Variants in ITGB7 observed in about 807,000 individuals in gnomAD.
ITGB7 encodes the protein integrin subunit beta 7.
A neutral mutation model predicts 83.4 loss-of-function variants in ITGB7; 55 were observed. That is an observed-to-expected ratio of 0.66 (90% CI 0.53 to 0.83). ITGB7 has a LOEUF of 0.83. Ranked by LOEUF, ITGB7 falls within the 40% of genes least tolerant of loss-of-function variation. The pLI, the probability that ITGB7 is intolerant of heterozygous loss-of-function variation, is 0.00. For synonymous variants in ITGB7, 454 were observed against 423.6 expected, an observed-to-expected ratio of 1.07 and a Z score of -0.88; for missense variants, 921 against 1,046.7, an observed-to-expected ratio of 0.88 and a Z score of 1.66.
At chr12:53,193,399 A>T (rs1244227051) in intron 11 of ITGB7, 36 bp from the exon 12 acceptor site, 1 of 1,452,548 alleles carries the variant, frequency 6.9e-7, no homozygotes, top group African/African-American at 1.4e-5. Context: ...AGTAGGTCAG[A>T]GGGTTTGATC....
At chr12:53,194,608 G>A in intron 9 of ITGB7, 1 of 409,068 alleles carries the variant, frequency 2.4e-6, no homozygotes, top group African/African-American at 2.0e-5. Context: ...CTGGCCAGGT[G>A]CTGTAAATGT....
At chr12:53,199,130 T>C (rs1421193336) in intron 3 of ITGB7, among the ~76,000 whole-genome samples, 2 of 152,168 alleles carry the variant, frequency 1.3e-5, no homozygotes, top group African/African-American at 4.8e-5. Context: ...TCTGCTTCCA[T>C]GTGAATTTGC....
Position 53,192,345 on chromosome 12 carries a change from C to A in ITGB7, c.2140G>T (p.Val714Leu). The change falls in exon 14 of 16, where the codon GTG (valine) becomes TTG (leucine). Residue 714 changes from valine to leucine, a missense_variant. Val to Leu is a conservative substitution (Grantham distance 32). Coordinates refer to ENST00000267082, the MANE Select transcript of ITGB7 (RefSeq NM_000889.3). ...GCCCACTTACTTTCTTGGGGTCTCA[C>A]TCTGAGCACGACCGTGCCTCTGGCG... is the stretch of plus-strand genomic sequence containing the variant. ...DDARGTVVLR[V>L]RPQEKGADHT... is the part of the protein sequence containing the mutation. The A allele has an allele frequency of 6.2e-7, 1 of 1,614,120 alleles. No individual in the cohort carries two copies. Among genetic ancestry groups the A allele is most frequent in the Non-Finnish European group, 8.5e-7 (1 of 1,180,038 alleles).
intron 1 of ITGB7, among the ~76,000 whole-genome samples, chr12:53,202,745 A>G (rs1942348925): frequency 1.3e-5 from 2 of 151,958 alleles, no homozygotes; most frequent in Admixed American, 6.5e-5. Context: ...GGCAGATCAC[A>G]AGGTCAGGAG....
intron 1 of ITGB7, among the ~76,000 whole-genome samples, chr12:53,205,061 G>A (rs550638869): frequency 3.3e-4 from 50 of 152,050 alleles, no homozygotes; most frequent in Non-Finnish European, 6.9e-4. Context: ...CTGACTTCAA[G>A]TGATCCACCC....
In ITGB7 at chr12:53,197,740, C is replaced by T. The variant is rs1942214360; in HGVS notation, c.403+10G>A. 6.3e-7 allele frequency: 1 copy of T among 1,584,240 alleles called. No individual in the cohort carries two copies. Reference sequence around the variant, plus strand: ...AGACCTCTGGCCTGGCCCCGCCTCCCCTAACTCACCAGGCCGCAGCGTGAC... The same window carrying T: ...AGACCTCTGGCCTGGCCCCGCCTCCTCTAACTCACCAGGCCGCAGCGTGAC... On this transcript the variant is annotated intron_variant, in intron 4 of 15. Coordinates refer to ENST00000267082, the MANE Select transcript of ITGB7 (RefSeq NM_000889.3).
intron 5 of ITGB7, 116 bp from the exon 6 acceptor site, chr12:53,196,936 C>T (rs1435003008): frequency 1.6e-6 from 2 of 1,259,564 alleles, no homozygotes; most frequent in Admixed American, 2.5e-5. Flanking sequence ...GAGGGTGCAC[C>T]TAGGGGGCAG....
chr12:53,196,351 C>T, intron 6 of ITGB7, 152 bp from the exon 7 acceptor site: 1 of 1,034,914 alleles, frequency 9.7e-7, no homozygotes, highest in Non-Finnish European at 1.4e-6. Context: ...CTGCTCTCTC[C>T]AGCCCCCTAA....
In ITGB7 at chr12:53,193,297, C is replaced by T. The variant is rs559123674; in HGVS notation, c.1569G>A (p.Leu523=). ...CSVAELSSPD[L]ESGCRAPNGT... Reference sequence around the variant, plus strand: ...CATTGGGAGCCCGGCACCCAGATTCCAGGTCTGGGGAGGACAGCTCTGCCA... The same window carrying T: ...CATTGGGAGCCCGGCACCCAGATTCTAGGTCTGGGGAGGACAGCTCTGCCA... The change falls in exon 12 of 16, where the codon CTG becomes CTA. Residue 523 remains leucine (L), a synonymous_variant. Transcript: ENST00000267082. The T allele has an allele frequency of 2.5e-6, 4 of 1,612,738 alleles. No individual in the cohort carries two copies. The East Asian group carries it at 6.7e-5, about 27-fold the overall frequency.
chr12:53,195,409 T>C lies in ITGB7; in HGVS notation c.1126A>G (p.Ser376Gly). 4 of 1,613,892 alleles carry C rather than the reference T, an allele frequency of 2.5e-6. No individual in the cohort carries two copies. Among genetic ancestry groups the C allele is most frequent in the Non-Finnish European group, 3.4e-6 (4 of 1,179,848 alleles). The change falls in exon 9 of 16, where the codon AGC becomes GGC. Residue 376 changes from serine (S) to glycine (G), a missense_variant. Ser to Gly is a moderately conservative substitution (Grantham distance 56). Transcript: ENST00000267082. ...TCCATGATGAGCTGTACCACGTTGCTGGAGTCCTCACTCAGCTCCCCAACT... is the reference window on the plus strand; with the variant it reads ...TCCATGATGAGCTGTACCACGTTGCCGGAGTCCTCACTCAGCTCCCCAACT... Reference protein sequence around the residue: ...SAVGELSEDSSNVVQLIMDAY... With the variant: ...SAVGELSEDSGNVVQLIMDAY...
Position 53,195,368 on chromosome 12 carries a change from C to T in ITGB7, c.1161+6G>A. 2 of 1,605,064 alleles carry T rather than the reference C, an allele frequency of 1.2e-6. No homozygotes were observed. The highest frequency in any genetic ancestry group is 1.7e-6 in the Non-Finnish European group (2 of 1,172,204). Reference sequence around the variant, plus strand: ...CTCACCATCTCCCCTTCCCCTGGCCCCTCACATTATAAGCATCCATGATGA... The same window carrying T: ...CTCACCATCTCCCCTTCCCCTGGCCTCTCACATTATAAGCATCCATGATGA... On this transcript the variant is annotated splice_donor_region_variant and intron_variant, in intron 9 of 15. Transcript: ENST00000267082.
At chr12:53,193,655 G>GGGTT (rs1942052145) in intron 11 of ITGB7, 53 bp downstream of exon 11, 9 of 1,487,114 alleles carry the variant, frequency 6.1e-6, no homozygotes, top group Middle Eastern at 2.1e-4. Context: ...ATACGGGCCA[G>GGGTT]GGTTGGTTGG....
chr12:53,200,844 G>T (rs1445576984), intron 2 of ITGB7, among the ~76,000 whole-genome samples: 5 of 151,848 alleles, frequency 3.3e-5, no homozygotes, highest in Non-Finnish European at 7.4e-5. Flanking sequence ...CAAGAGAATT[G>T]CTTGAACCAG....
At chr12:53,197,156 G>C (rs1942193784) in intron 5 of ITGB7, 4 of 549,376 alleles carry the variant, frequency 7.3e-6, no homozygotes, top group Non-Finnish European at 1.3e-5. Context: ...GCCAGGGACA[G>C]TGGCATCTAG....
At chr12:53,194,847 T>G (rs573129984) in intron 9 of ITGB7, 10 of 168,648 alleles carry the variant, frequency 5.9e-5, no homozygotes, top group African/African-American at 2.1e-4. Context: ...CCTGTAAAAT[T>G]CTATGGTTCT....
chr12:53,202,311 A>G (rs978395204), intron 1 of ITGB7, among the ~76,000 whole-genome samples: 4 of 152,128 alleles, frequency 2.6e-5, no homozygotes, highest in Non-Finnish European at 4.4e-5. Context: ...GTGAGCTGCA[A>G]TTGTGCCACT....
chr12:53,205,622 A>C (rs2120546055), intron 1 of ITGB7, among the ~76,000 whole-genome samples: 1 of 152,162 alleles, frequency 6.6e-6, no homozygotes, highest in African/African-American at 2.4e-5. Context: ...TTCTCATGCT[A>C]AGAAATATAT....
Position 53,195,817 on chromosome 12 carries a change from C to G in ITGB7, c.976-96G>C. On this transcript the variant is annotated intron_variant, in intron 7 of 15. Transcript: ENST00000267082. ...AGGGAATCCAGGAACCAAGGTTCCACCAGCTGGAGGAGCCCTGGAGGCTTG... is the reference window on the plus strand; with the variant it reads ...AGGGAATCCAGGAACCAAGGTTCCAGCAGCTGGAGGAGCCCTGGAGGCTTG... 3.5e-6 allele frequency: 4 copies of G among 1,158,648 alleles called. 1 individual carries two copies. The South Asian group carries it at 5.2e-5, about 15-fold the overall frequency. The allele number at this position is 1,158,648 out of a possible 1,614,324, so 71.8% of individuals were successfully genotyped here.
rs1441009118 is a variant in ITGB7, at chr12:53,193,808, C to T, written c.1402G>A (p.Val468Met). The T allele has an allele frequency of 3.7e-6, 6 of 1,614,112 alleles. No individual in the cohort carries two copies. Among genetic ancestry groups the T allele is most frequent in the Non-Finnish European group, 5.1e-6 (6 of 1,180,016 alleles). ...CAGTCACACAGCGTGTGCAACTCCA[C>T]AATCAGCTCCTCTGAGAAGCCAAGG... ...RALGFSEELIVELHTLCDCNC... is the reference protein window; with the variant it reads ...RALGFSEELIMELHTLCDCNC... Residue 468 changes from valine to methionine, a missense_variant, in exon 11 of 16, where the codon GTG becomes ATG. Coordinates refer to ENST00000267082, the MANE Select transcript of ITGB7 (RefSeq NM_000889.3).
Sources: allele counts gnomAD v4.1 joint callset (sites outside exome capture counted in the v4.1 genomes callset), GRCh38; gene constraint gnomAD v4.1.1; transcripts MANE v1.5; gene names NCBI Gene and HGNC (gene_info 2026-07-23, HGNC 2026-07-21).